Variants in KIR3DL3 observed in about 807,000 individuals in gnomAD.
KIR3DL3 encodes killer cell immunoglobulin like receptor, three Ig domains and long cytoplasmic tail 3, also known as killer cell immunoglobulin-like receptor 3DL3.
A neutral mutation model predicts 34.9 loss-of-function variants in KIR3DL3; 27 were observed. That is an observed-to-expected ratio of 0.77 (90% confidence interval 0.57 to 1.07). The LOEUF (loss-of-function observed/expected upper bound fraction) is 1.07, where lower values mean the gene tolerates loss of function less well. Among genes scored for constraint, KIR3DL3 ranks in the 50% least tolerant of loss-of-function variants. The pLI, the probability that KIR3DL3 is intolerant of heterozygous loss-of-function variation, is 0.00. For missense variants in KIR3DL3, 681 were observed against 528.5 expected (o/e 1.29, Z -2.83); for synonymous variants, 217 against 200.2 (o/e 1.08, Z -0.71).
chr19:54,729,774 G>C lies in KIR3DL3; in HGVS notation c.937G>C (p.Val313Leu). Residue 313 changes from valine to leucine, a missense_variant, in exon 5 of 8, where the codon GTT becomes CTT. Coordinates refer to ENST00000291860, the MANE Select transcript of KIR3DL3 (RefSeq NM_153443.5). ...AWSDPSDPLP[V>L]SVTGNSRNLH... is the part of the protein sequence containing the mutation. ...GTCAGACCCGAGTGACCCACTGCCC[G>C]TTTCTGTCACAGGTGAGAAAACACC... 2 of 1,595,622 alleles carry C rather than the reference G, an allele frequency of 1.3e-6. No homozygotes were observed. The highest frequency in any genetic ancestry group is 1.7e-6 in the Non-Finnish European group (2 of 1,173,308).
chr19:54,736,211 T>G lies in KIR3DL3; in HGVS notation c.*115T>G, dbSNP rs2069589996. 7 of 1,454,772 alleles carry G rather than the reference T, an allele frequency of 4.8e-6. No homozygotes were observed. The highest frequency in any genetic ancestry group is 1.5e-5 in the African/African-American group (1 of 66,636). The allele number at this position is 1,454,772 out of a possible 1,614,324, so 90.1% of individuals were successfully genotyped here. On this transcript the variant is annotated 3_prime_UTR_variant, in exon 8 of 8. Coordinates refer to ENST00000291860, the MANE Select transcript of KIR3DL3 (RefSeq NM_153443.5). ...ACAATAGCCCTGTCTCAAAACCGGGTTGCCAGCTCCCATGTACCAGCAGCT... is the reference window on the plus strand; with the variant it reads ...ACAATAGCCCTGTCTCAAAACCGGGGTGCCAGCTCCCATGTACCAGCAGCT...
Position 54,731,068 on chromosome 19 carries a change from G to A in KIR3DL3, c.949+1282G>A, listed in dbSNP as rs1251065717. 1.6e-4 allele frequency among the ~76,000 whole-genome samples: 24 copies of A among 151,368 alleles called. No individual in the cohort carries two copies. In the South Asian group the frequency reaches 5.0e-3, roughly 32 times the overall value. ...GTTGCCCAGGCTGGAGTGCAGTGGC[G>A]CCATCTGGGCTCACTGCAACCTCCA... is the stretch of plus-strand genomic sequence containing the variant. On this transcript the variant is annotated intron_variant, in intron 5 of 7. Coordinates refer to ENST00000291860, the MANE Select transcript of KIR3DL3 (RefSeq NM_153443.5).
At chr19:54,726,028 A>C in intron 2 of KIR3DL3, 25 bp from the exon 3 acceptor site, 3 of 1,543,436 alleles carry the variant, frequency 1.9e-6, no homozygotes, top group Non-Finnish European at 2.7e-6. Context: ...CCTCCTCTCT[A>C]AGGTGGTGCC....
chr19:54,727,238 C>T (rs1366676890), intron 3 of KIR3DL3, among the ~76,000 whole-genome samples: 4 of 117,566 alleles, frequency 3.4e-5, no homozygotes, highest in Non-Finnish European at 1.8e-5. Flanking sequence ...TACCTCCTGC[C>T]GGCCTTTCCA....
At chr19:54,731,397 C>T (rs1209796841) in intron 5 of KIR3DL3, among the ~76,000 whole-genome samples, 2 of 151,478 alleles carry the variant, frequency 1.3e-5, no homozygotes, top group East Asian at 1.9e-4. Flanking sequence ...AGATGCAACC[C>T]TGGTTGACTC....
intron 4 of KIR3DL3, 29 bp from the exon 5 acceptor site, chr19:54,729,464 C>T: frequency 2.0e-6 from 3 of 1,534,818 alleles, no homozygotes; most frequent in Non-Finnish European, 1.7e-6. Context: ...GAAGAACCTC[C>T]CTGAGGAAAC....
At chr19:54,725,911 G>T (rs1318519182) in intron 2 of KIR3DL3, 142 bp from the exon 3 acceptor site, 1 of 737,562 alleles carries the variant, frequency 1.4e-6, no homozygotes, top group Non-Finnish European at 2.3e-6. Flanking sequence ...ATGTCTATGC[G>T]GGATGGGTCC....
In KIR3DL3 at chr19:54,727,646, G is replaced by C. The variant is rs2068334524; in HGVS notation, c.391G>C (p.Gly131Arg). ...HRKPSLLAHP[G>R]PLVKSGETVI... Reference sequence around the variant, plus strand: ...AAAACCTTCCCTCCTGGCCCACCCAGGTCCCCTGGTGAAATCAGGAGAGAC... The same window carrying C: ...AAAACCTTCCCTCCTGGCCCACCCACGTCCCCTGGTGAAATCAGGAGAGAC... The change falls in exon 4 of 8, where the codon GGT becomes CGT. Residue 131 changes from glycine (G) to arginine (R), a missense_variant. Physicochemically the swap from Gly to Arg is moderately radical, Grantham distance 125. Transcript: ENST00000291860. 2.5e-6 allele frequency: 4 copies of C among 1,611,936 alleles called. No homozygotes were observed. Among genetic ancestry groups the C allele is most frequent in the Middle Eastern group, 1.7e-4 (1 of 5,994 alleles).
Position 54,729,596 on chromosome 19 carries a change from C to T in KIR3DL3, c.759C>T (p.Tyr253=), listed in dbSNP as rs1167448171. The T allele has an allele frequency of 2.5e-6, 4 of 1,606,146 alleles. No homozygotes were observed. The highest frequency in any genetic ancestry group is 3.4e-6 in the Non-Finnish European group (4 of 1,178,042). The change falls in exon 5 of 8, where the codon TAC becomes TAT. Residue 253 remains tyrosine, a synonymous_variant. Coordinates refer to ENST00000291860, the MANE Select transcript of KIR3DL3 (RefSeq NM_153443.5). The stretch of plus-strand genomic sequence containing the variant: ...GCTCCCGGAGCTTGTTTGACATTTA[C>T]CATCTATCCAGGGAGGCGGAGGCCG... ...SCSSRSLFDI[Y]HLSREAEAGE...
chr19:54,727,917 G>A lies in KIR3DL3; in HGVS notation c.655+7G>A. 3 of 1,602,418 alleles carry A rather than the reference G, an allele frequency of 1.9e-6. No homozygotes were observed. The highest frequency in any genetic ancestry group is 2.6e-6 in the Non-Finnish European group (3 of 1,172,976). ...CTGGACATCGTGGTCGTAGGTGAGAGAATACAGACCTGCCTCTCACCCTTG... is the reference window on the plus strand; with the variant it reads ...CTGGACATCGTGGTCGTAGGTGAGAAAATACAGACCTGCCTCTCACCCTTG... On this transcript the variant is annotated splice_region_variant and intron_variant, in intron 4 of 7. Coordinates refer to ENST00000291860, the MANE Select transcript of KIR3DL3 (RefSeq NM_153443.5).
rs374768578 is a variant in KIR3DL3 at position 54,729,417 on chromosome 19, G to A, written c.656-76G>A. On this transcript the variant is annotated intron_variant, in intron 4 of 7. Coordinates refer to ENST00000291860, the MANE Select transcript of KIR3DL3 (RefSeq NM_153443.5). ...GCATTAAGTCATAGAGCAGGGGAGTGAGTTCTCAGCTCAGGTGTGAGGAGA... is the reference window on the plus strand; with the variant it reads ...GCATTAAGTCATAGAGCAGGGGAGTAAGTTCTCAGCTCAGGTGTGAGGAGA... 5.6e-4 allele frequency: 737 copies of A among 1,317,288 alleles called. 7 individuals carry two copies. In the African/African-American group the frequency reaches 9.0e-3, roughly 16 times the overall value. The allele number at this position is 1,317,288 out of a possible 1,614,324, so 81.6% of individuals were successfully genotyped here.
At chr19:54,734,960 G>A (rs1452755877) in intron 5 of KIR3DL3, among the ~76,000 whole-genome samples, 3 of 120,414 alleles carry the variant, frequency 2.5e-5, no homozygotes, top group Non-Finnish European at 5.5e-5. Flanking sequence ...GTTCATGATG[G>A]ATCCACCTCC....
At chr19:54,732,612 A>C (rs1250410283) in intron 5 of KIR3DL3, among the ~76,000 whole-genome samples, 2 of 152,242 alleles carry the variant, frequency 1.3e-5, no homozygotes, top group African/African-American at 4.8e-5. Flanking sequence ...GTGACAGAGA[A>C]GGTCTCACTG....
intron 1 of KIR3DL3, 45 bp downstream of exon 1, chr19:54,724,575 A>G: frequency 1.2e-6 from 1 of 834,952 alleles, no homozygotes; most frequent in South Asian, 2.8e-5. Context: ...TGGGGTGGAG[A>G]TCTGGGCCTG....
Position 54,729,565 on chromosome 19 carries a change from C to A in KIR3DL3, c.728C>A (p.Ser243Tyr). The A allele has an allele frequency of 6.2e-7, 1 of 1,607,396 alleles. No individual in the cohort carries two copies. The stretch of plus-strand genomic sequence containing the variant: ...CAGGCAGGAGAGAATGTGACCTTGT[C>A]CTGCAGCTCCCGGAGCTTGTTTGAC... The part of the protein sequence containing the change: ...TVQAGENVTL[S>Y]CSSRSLFDIY... The change falls in exon 5 of 8, where the codon TCC (serine) becomes TAC (tyrosine). Residue 243 changes from serine (S) to tyrosine (Y), a missense_variant. Transcript: ENST00000291860.
intron 5 of KIR3DL3, among the ~76,000 whole-genome samples, chr19:54,735,032 G>C (rs1323842018): frequency 2.8e-5 from 4 of 141,508 alleles, no homozygotes. Context: ...TTCAATGTGA[G>C]GTTTGAAGGG....
In KIR3DL3 at chr19:54,727,593, C is replaced by T; in HGVS notation, c.356-18C>T. The T allele has an allele frequency of 6.2e-7, 1 of 1,605,234 alleles. No individual in the cohort carries two copies. On this transcript the variant is annotated intron_variant, in intron 3 of 7. Transcript: ENST00000291860. ...GAGAAAGGGAGACGCCTTCTGAACT[C>T]ACAACCTCTCTTCTTAGGAGTCCAC...
chr19:54,727,105 G>A (rs1478545418), intron 3 of KIR3DL3, among the ~76,000 whole-genome samples: 1 of 137,178 alleles, frequency 7.3e-6, no homozygotes, highest in African/African-American at 2.7e-5. Flanking sequence ...GATGCTCCTG[G>A]AACCAGCACC....
intron 5 of KIR3DL3, among the ~76,000 whole-genome samples, chr19:54,732,779 A>G (rs137937971): frequency 0.29 from 44,300 of 151,648 alleles, 7,041 homozygotes; most frequent in East Asian, 0.5. Flanking sequence ...TGGGAATGAG[A>G]TGGGGAGAAT....
Sources: gnomAD v4.1 joint callset for allele counts (sites outside exome capture counted in the v4.1 genomes callset) on GRCh38, gnomAD v4.1.1 for gene constraint, MANE v1.5 for transcripts, NCBI Gene and HGNC (gene_info 2026-07-23, HGNC 2026-07-21) for gene names.